SRA1: variants seen among roughly 807,000 people sequenced by gnomAD.
SRA1 encodes the protein lncRNA SRA.
Under a neutral mutation model 24.3 loss-of-function variants are expected in SRA1, and 25 were observed. The ratio of observed to expected loss-of-function variants is 1.03; its 90% confidence interval spans 0.75 to 1.43. The LOEUF (loss-of-function observed/expected upper bound fraction) is 1.43, where lower values mean the gene tolerates loss of function less well. Ranked by LOEUF, SRA1 falls within the 40% of genes most tolerant of loss-of-function variation. The pLI is 0.00. For missense variants in SRA1, 303 were observed against 286.6 expected (o/e 1.06, Z -0.41); for synonymous variants, 104 against 109.5 (o/e 0.95, Z 0.31).
upstream of SRA1, chr5:140,557,724 G>A (rs992639656): frequency 1.5e-5 from 8 of 550,900 alleles, no homozygotes; most frequent in African/African-American, 1.4e-4. Context: ...ATCCTCTCAG[G>A]AGCAAATTCA....
intron 2 of SRA1, among the ~76,000 whole-genome samples, chr5:140,554,431 C>T (rs1754639326): frequency 6.6e-6 from 1 of 152,132 alleles, no homozygotes; most frequent in African/African-American, 2.4e-5. Flanking sequence ...AAACAGAACT[C>T]TCTCATCTTC....
intron 2 of SRA1, among the ~76,000 whole-genome samples, chr5:140,554,905 T>C (rs1331395328): frequency 6.6e-6 from 1 of 152,042 alleles, no homozygotes; most frequent in Non-Finnish European, 1.5e-5. Flanking sequence ...TTTTTTTTTT[T>C]ATTGAGATGG....
At chr5:140,554,590 G>C (rs201780597) in intron 2 of SRA1, among the ~76,000 whole-genome samples, 2 of 151,894 alleles carry the variant, frequency 1.3e-5, no homozygotes, top group Non-Finnish European at 2.9e-5. Context: ...CTTCCCTACT[G>C]TAACTATCTT....
rs1754505228 is a variant in SRA1, at chr5:140,550,290, C to T, written c.*410G>A. 4.3e-6 allele frequency: 1 copy of T among 230,430 alleles called. No homozygotes were observed. Among genetic ancestry groups the T allele is most frequent in the African/African-American group, 2.3e-5 (1 of 44,102 alleles). The allele number at this position is 230,430 out of a possible 1,614,324, so 14.3% of individuals were successfully genotyped here. ...GTCTGTTCTCATGCTGAAATGAAAC[C>T]ATCCAAACACAGCTGCTCCGCCCAG... On this transcript the variant is annotated 3_prime_UTR_variant, in exon 5 of 5. Transcript: ENST00000336283.
At position 140,557,168 on chromosome 5, in the gene SRA1, G is replaced by A. The variant is rs199663232; in HGVS notation, c.130C>T (p.Pro44Ser). 6.2e-7 allele frequency: 1 copy of A among 1,612,836 alleles called. No homozygotes were observed. Among genetic ancestry groups the A allele is most frequent in the Non-Finnish European group, 8.5e-7 (1 of 1,179,808 alleles). Residue 44 changes from proline to serine, a missense_variant, in exon 2 of 5, where the codon CCC (proline) becomes TCC (serine). Pro to Ser is a moderately conservative substitution (Grantham distance 74). Transcript: ENST00000336283. The part of the protein sequence containing the change: ...RSLLTKRVAA[P>S]QDGSPRVPAS... ...GCACCTCTGGGGGATCCATCCTGGG[G>A]TGCGGCGACCCTCTTGGTAAGCAGC...
Position 140,553,803 on chromosome 5 carries a change from C to T in SRA1, c.152-1619G>A, listed in dbSNP as rs541711652. 7.2e-5 allele frequency among the ~76,000 whole-genome samples: 11 copies of T among 152,068 alleles called. No individual in the cohort carries two copies. In the East Asian group the frequency reaches 1.2e-3, roughly 16 times the overall value. ...GCATGGACTAGGGTAAAAGAGTAGA[C>T]GAGGGGAATGGAGTAGTCTGAGATT... is the stretch of plus-strand genomic sequence containing the variant. On this transcript the variant is annotated intron_variant, in intron 2 of 4. Transcript: ENST00000336283.
chr5:140,557,088 G>T, intron 2 of SRA1, 59 bp downstream of exon 2: 2 of 1,413,486 alleles, frequency 1.4e-6, no homozygotes, highest in South Asian at 1.3e-5. Flanking sequence ...ACAGGCTTAT[G>T]CCTTACACCC....
intron 2 of SRA1, among the ~76,000 whole-genome samples, chr5:140,556,039 C>T (rs1430588635): frequency 6.6e-6 from 1 of 152,236 alleles, no homozygotes; most frequent in East Asian, 1.9e-4. Context: ...ATAGTGCCCA[C>T]AGGGCAAATG....
chr5:140,554,274 T>C (rs1275291184), intron 2 of SRA1, among the ~76,000 whole-genome samples: 2 of 152,196 alleles, frequency 1.3e-5, no homozygotes, highest in African/African-American at 4.8e-5. Context: ...ATGCTGATAG[T>C]TTAAATTCAT....
intron 2 of SRA1, among the ~76,000 whole-genome samples, chr5:140,553,380 T>C (rs1195003135): frequency 1.3e-5 from 2 of 151,916 alleles, no homozygotes; most frequent in African/African-American, 2.4e-5. Context: ...TTTTATTAAA[T>C]TGAGAACTAC....
In SRA1 at chr5:140,550,574, G is replaced by T. The variant is rs996232210; in HGVS notation, c.*126C>A. On this transcript the variant is annotated 3_prime_UTR_variant, in exon 5 of 5. Transcript: ENST00000336283. The stretch of plus-strand genomic sequence containing the variant: ...CATGAACTCCCTCTGGCCCAGGTGG[G>T]ACTTCTTCCCTCATAGGTGGGTCAG... 10 of 829,978 alleles carry T rather than the reference G, an allele frequency of 1.2e-5. No individual in the cohort carries two copies. Among genetic ancestry groups the T allele is most frequent in the Non-Finnish European group, 2.0e-5 (10 of 496,500 alleles). 51.4% of individuals were successfully genotyped at this position (829,978 alleles called of 1,614,324 possible). A position where few individuals can be genotyped will look rare whatever the true frequency, so the allele number is the denominator to read the frequency against.
Position 140,557,128 on chromosome 5 carries a change from G to A in SRA1, c.151+19C>T. On this transcript the variant is annotated intron_variant, in intron 2 of 4. Coordinates refer to ENST00000336283, the MANE Select transcript of SRA1 (RefSeq NM_001035235.4). ...CCCCCCATTCTCCGTCTGTCTCCGA[G>A]CACAGGGGCCCCACGCACCTCTGGG... 6.7e-7 allele frequency: 1 copy of A among 1,497,478 alleles called. No individual in the cohort carries two copies. Among genetic ancestry groups the A allele is most frequent in the Non-Finnish European group, 9.1e-7 (1 of 1,100,002 alleles). The allele number at this position is 1,497,478 out of a possible 1,614,324, so 92.8% of individuals were successfully genotyped here.
At position 140,550,852 on chromosome 5, in the gene SRA1, G is replaced by A; in HGVS notation, c.523C>T (p.His175Tyr). 6.2e-7 allele frequency: 1 copy of A among 1,614,106 alleles called. No individual in the cohort carries two copies. ...ATCCACTGACTGACCTCAGTCACAT[G>A]GTCAACCATGAGGGAGCGGTGGATG... ...DDIHRSLMVD[H>Y]VTEVSQWMVG... The change falls in exon 5 of 5, where the codon CAT (histidine) becomes TAT (tyrosine). Residue 175 changes from histidine (H) to tyrosine (Y), a missense_variant. Coordinates refer to ENST00000336283, the MANE Select transcript of SRA1 (RefSeq NM_001035235.4).
At position 140,550,664 on chromosome 5, in the gene SRA1, A is replaced by C; in HGVS notation, c.*36T>G. On this transcript the variant is annotated 3_prime_UTR_variant, in exon 5 of 5. Coordinates refer to ENST00000336283, the MANE Select transcript of SRA1 (RefSeq NM_001035235.4). ...AAGTGACAGAAGGTCTCCAAGGCAT[A>C]GGAGATGGTGTCCGGTGAGTCTGGG... 67 of 1,573,752 alleles carry C rather than the reference A, an allele frequency of 4.3e-5. No homozygotes were observed. Among genetic ancestry groups the C allele is most frequent in the Non-Finnish European group, 5.6e-5 (64 of 1,143,284 alleles).
chr5:140,556,255 T>G (rs1208498833), intron 2 of SRA1, among the ~76,000 whole-genome samples: 1 of 151,932 alleles, frequency 6.6e-6, no homozygotes, highest in Non-Finnish European at 1.5e-5. Flanking sequence ...GGAGGGCCAC[T>G]GAAAGAACCA....
upstream of SRA1, chr5:140,557,480 G>T (rs1440924295): frequency 1.3e-6 from 2 of 1,549,684 alleles, no homozygotes; most frequent in South Asian, 2.4e-5. Flanking sequence ...CAGCGGGGCA[G>T]CGCGTCATTT....
chr5:140,557,933 T>C (rs1581401748), upstream of SRA1: 3 of 186,814 alleles, frequency 1.6e-5, no homozygotes, highest in Middle Eastern at 2.4e-3. Flanking sequence ...GTTAAGTGTC[T>C]CACTTGAGCT....
intron 2 of SRA1, among the ~76,000 whole-genome samples, chr5:140,554,894 CT>C (rs898123496): frequency 3.7e-4 from 54 of 146,326 alleles, no homozygotes; most frequent in Middle Eastern, 3.6e-3. Flanking sequence ...CCTTGTCGCT[CT>C]TTTTTTTTTT....
chr5:140,557,116 G>A (rs749719196), intron 2 of SRA1, 31 bp downstream of exon 2: 4 of 1,310,124 alleles, frequency 3.1e-6, no homozygotes, highest in Admixed American at 2.1e-5. Flanking sequence ...CCCATTCTCC[G>A]TCTGTCTCCG....
Sources: gnomAD v4.1 joint callset for allele counts (sites outside exome capture counted in the v4.1 genomes callset) on GRCh38, gnomAD v4.1.1 for gene constraint, MANE v1.5 for transcripts, NCBI Gene and HGNC (gene_info 2026-07-23, HGNC 2026-07-21) for gene names.